GPHN: variants seen among roughly 807,000 people sequenced by gnomAD.
GPHN encodes the protein gephyrin.
Under a neutral mutation model 95.5 loss-of-function variants are expected in GPHN, and 17 were observed. That is an observed-to-expected ratio of 0.18 (90% CI 0.12 to 0.27). The LOEUF is 0.27. Among genes scored for constraint, GPHN ranks in the 10% least tolerant of loss-of-function variants. GPHN has a pLI of 1.00. For missense variants in GPHN, 660 were observed against 978.1 expected (o/e 0.67, Z 4.34); for synonymous variants, 320 against 322.5 (o/e 0.99, Z 0.08).
At chr14:66,528,054 T>A (rs1213484640) in intron 1 of GPHN, among the ~76,000 whole-genome samples, 2 of 152,190 alleles carry the variant, frequency 1.3e-5, no homozygotes, top group Non-Finnish European at 2.9e-5. Context: ...CTGTCTAATA[T>A]TGACAGTGGG....
At chr14:67,039,438 C>T (rs1167186061) in intron 10 of GPHN, among the ~76,000 whole-genome samples, 1 of 152,146 alleles carries the variant, frequency 6.6e-6, no homozygotes, top group African/African-American at 2.4e-5. Context: ...CCTTAAAACA[C>T]AGCCTGATTT....
chr14:66,909,298 A>G (rs549483851), intron 5 of GPHN, among the ~76,000 whole-genome samples: 1 of 152,198 alleles, frequency 6.6e-6, no homozygotes, highest in East Asian at 1.9e-4. Flanking sequence ...AGTGTAGTAA[A>G]ACGTAAACAT....
chr14:67,029,021 ATTTTCAGGTGAT>A (rs765674259), intron 10 of GPHN, among the ~76,000 whole-genome samples: 2 of 151,998 alleles, frequency 1.3e-5, no homozygotes, highest in Non-Finnish European at 2.9e-5. Context: ...TATTTAATCT[ATTTTCAGGTGAT>A]TTTTGTATAT....
At chr14:66,561,957 C>G (rs1293847583) in intron 1 of GPHN, among the ~76,000 whole-genome samples, 4 of 152,054 alleles carry the variant, frequency 2.6e-5, no homozygotes, top group Non-Finnish European at 5.9e-5. Flanking sequence ...CTTCCTTCTT[C>G]AAAGCCAACA....
intron 3 of GPHN, among the ~76,000 whole-genome samples, chr14:66,779,174 C>T (rs908718020): frequency 6.6e-6 from 1 of 152,252 alleles, no homozygotes; most frequent in South Asian, 2.1e-4. Context: ...GTATGGTCAA[C>T]ATCAGAAATT....
chr14:67,515,989 C>T, the GPHN span, among the ~76,000 whole-genome samples: 3 of 152,212 alleles, frequency 2.0e-5, no homozygotes, highest in South Asian at 6.2e-4. Context: ...ATAAAGGTTA[C>T]AGAGAATATG....
intron 1 of GPHN, among the ~76,000 whole-genome samples, chr14:66,679,439 G>A (rs1337547545): frequency 1.3e-5 from 2 of 152,072 alleles, no homozygotes; most frequent in Non-Finnish European, 2.9e-5. Context: ...CTTTGCCAGT[G>A]TGGTGTTTGC....
the GPHN span, among the ~76,000 whole-genome samples, chr14:67,576,936 C>T: frequency 2.0e-5 from 3 of 152,280 alleles, no homozygotes; most frequent in South Asian, 6.2e-4. This position sits in a 1 kb window ranked among gnomAD's most constrained non-coding sequence, Gnocchi z 4.0. Context: ...GCATATACCA[C>T]ACACACCCCT....
At chr14:67,589,414 T>C in the GPHN span, 1 of 985,316 alleles carries the variant, frequency 1.0e-6, no homozygotes, top group Non-Finnish European at 1.2e-6. Flanking sequence ...TTGGCAAAAG[T>C]AGCTTTTGAA....
intron 1 of GPHN, among the ~76,000 whole-genome samples, chr14:66,562,324 G>A (rs996557024): frequency 1.3e-5 from 2 of 152,090 alleles, no homozygotes; most frequent in African/African-American, 2.4e-5. Flanking sequence ...GGTCTTAAAT[G>A]TACTTACCAC....
At chr14:66,658,520 T>C (rs756096459) in intron 1 of GPHN, among the ~76,000 whole-genome samples, 2 of 152,154 alleles carry the variant, frequency 1.3e-5, no homozygotes, top group Non-Finnish European at 2.9e-5. Flanking sequence ...TTCATTGTTA[T>C]CTTTCTGTTG....
intron 1 of GPHN, among the ~76,000 whole-genome samples, chr14:66,609,265 T>G (rs1486678685): frequency 6.6e-6 from 1 of 152,104 alleles, no homozygotes; most frequent in African/African-American, 2.4e-5. Flanking sequence ...CTACTGAAAA[T>G]TGGTTTCCGA....
chr14:67,221,928 T>A, the GPHN span: 1 of 1,229,620 alleles, frequency 8.1e-7, no homozygotes, highest in Admixed American at 2.4e-5. Context: ...TTTGATGCAT[T>A]TCCTTTCTTC....
chr14:67,689,894 G>A, the GPHN span, among the ~76,000 whole-genome samples: 3 of 152,016 alleles, frequency 2.0e-5, no homozygotes, highest in Non-Finnish European at 2.9e-5. Context: ...GCAGTGAGCC[G>A]AGATTGCACC....
At chr14:66,676,780 T>C (rs932250954) in intron 1 of GPHN, among the ~76,000 whole-genome samples, 1 of 151,824 alleles carries the variant, frequency 6.6e-6, no homozygotes, top group Non-Finnish European at 1.5e-5. Flanking sequence ...TTTTTTGTGA[T>C]TGTTGTTGCA....
the GPHN span, chr14:67,600,295 C>G: frequency 8.9e-7 from 1 of 1,122,860 alleles, no homozygotes; most frequent in East Asian, 2.9e-5. Context: ...CTTCCGGCAG[C>G]CGCGTCACCA....
chr14:67,625,927 G>A, the GPHN span, among the ~76,000 whole-genome samples: 2 of 152,100 alleles, frequency 1.3e-5, no homozygotes, highest in South Asian at 4.1e-4. Context: ...CAAATGGGCA[G>A]TAAACACATT....
At chr14:67,209,656 A>G in the GPHN span, among the ~76,000 whole-genome samples, 3 of 151,274 alleles carry the variant, frequency 2.0e-5, no homozygotes, top group Non-Finnish European at 2.9e-5. Flanking sequence ...CGTCTCTACT[A>G]AAAATACAAA....
intron 1 of GPHN, among the ~76,000 whole-genome samples, chr14:66,581,755 C>G (rs1036734567): frequency 1.5e-4 from 23 of 151,666 alleles, no homozygotes; most frequent in Middle Eastern, 3.4e-3. Context: ...ATACTTATAT[C>G]AGATGAAATA....
Sources: allele counts gnomAD v4.1 joint callset (sites outside exome capture counted in the v4.1 genomes callset), GRCh38; gene constraint gnomAD v4.1.1; non-coding constraint Gnocchi (gnomAD v3.1); transcripts MANE v1.5; gene names NCBI Gene and HGNC (gene_info 2026-07-23, HGNC 2026-07-21).